The following FARP1 variants were observed in gnomAD, a reference collection of about 807,000 sequenced individuals.
FARP1 encodes FERM, ARH/RhoGEF and pleckstrin domain protein 1.
FARP1 carries 52 observed loss-of-function variants against 128.8 expected under a neutral mutation model. That is an observed-to-expected ratio of 0.40 (90% confidence interval 0.32 to 0.51). The LOEUF is 0.51. FARP1 is among the 20% of genes least tolerant of loss of function. FARP1 has a pLI of 0.45. For missense variants in FARP1, 1,333 were observed against 1,367.9 expected, an observed-to-expected ratio of 0.97 and a Z score of 0.40; for synonymous variants, 580 against 551.8, an observed-to-expected ratio of 1.05 and a Z score of -0.72.
At chr13:98,224,619 C>G (rs1881646255) in intron 2 of FARP1, among the ~76,000 whole-genome samples, 2 of 151,590 alleles carry the variant, frequency 1.3e-5, no homozygotes, top group South Asian at 2.1e-4. Context: ...TGAAACAGAG[C>G]TGAGTCCCTA....
rs1184455599 is a variant in FARP1, at chr13:98,385,927, C to T, written c.759+113C>T. The T allele has an allele frequency of 4.3e-6, 5 of 1,156,316 alleles. No homozygotes were observed. The African/African-American group carries it at 4.7e-5, about 11-fold the overall frequency. The allele number at this position is 1,156,316 out of a possible 1,614,324, so 71.6% of individuals were successfully genotyped here. ...AAGACCTCTGATGGTTATTTTTCGG[C>T]GAACAAAGAAAAATTAACCTCATCT... is the stretch of plus-strand genomic sequence containing the variant. On this transcript the variant is annotated intron_variant, in intron 8 of 26. Transcript: ENST00000319562.
At chr13:98,414,072 C>A (rs1293152813) in intron 16 of FARP1, among the ~76,000 whole-genome samples, 3 of 152,130 alleles carry the variant, frequency 2.0e-5, no homozygotes, top group Non-Finnish European at 4.4e-5. Flanking sequence ...CTGTCTAATA[C>A]GACTCATTTT....
chr13:98,185,848 C>T (rs577941992), intron 1 of FARP1, among the ~76,000 whole-genome samples: 2 of 152,072 alleles, frequency 1.3e-5, no homozygotes, highest in East Asian at 3.9e-4. Context: ...TAGGTGCGTG[C>T]CACCATGCCC....
chr13:98,412,578 C>T (rs1004870164), intron 16 of FARP1, among the ~76,000 whole-genome samples: 121 of 152,222 alleles, frequency 7.9e-4, no homozygotes, highest in African/African-American at 2.7e-3. Context: ...CAAAGACATC[C>T]AATGAATAAT....
At chr13:98,185,728 C>T (rs1274196660) in intron 1 of FARP1, among the ~76,000 whole-genome samples, 2 of 151,288 alleles carry the variant, frequency 1.3e-5, no homozygotes, top group East Asian at 3.9e-4. Flanking sequence ...GATGGAGTCT[C>T]TCTCTGTCGC....
intron 24 of FARP1, among the ~76,000 whole-genome samples, chr13:98,441,569 G>T (rs553205426): frequency 6.6e-6 from 1 of 152,204 alleles, no homozygotes; most frequent in African/African-American, 2.4e-5. Flanking sequence ...TTGCTCCGGG[G>T]TATGGTGCGG....
intron 13 of FARP1, chr13:98,406,698 T>C (rs1467593023): frequency 2.0e-5 from 3 of 152,346 alleles, no homozygotes; most frequent in African/African-American, 7.2e-5. Flanking sequence ...GACCCTGAAG[T>C]TCCCACTCGG....
chr13:98,280,553 CG>C (rs1395122274), intron 2 of FARP1, among the ~76,000 whole-genome samples: 1 of 152,236 alleles, frequency 6.6e-6, no homozygotes, highest in Non-Finnish European at 1.5e-5. Context: ...AGAGCCTGGC[CG>C]GACACCCGGT....
At chr13:98,178,459 A>G (rs9556891) in intron 1 of FARP1, among the ~76,000 whole-genome samples, 147,246 of 152,334 alleles carry the variant, frequency 0.97, 71,357 homozygotes, top group East Asian at 1. Context: ...GCCTCCTAAA[A>G]TGTTGGTATT....
intron 2 of FARP1, chr13:98,341,044 T>C (rs1399274859): frequency 6.9e-6 from 1 of 145,224 alleles, no homozygotes; most frequent in Non-Finnish European, 1.5e-5. Context: ...TGTCAGGCAT[T>C]TAAGATCTAG....
Position 98,409,521 on chromosome 13 carries a change from G to A in FARP1, c.1598G>A (p.Arg533Lys), listed in dbSNP as rs757969075. 112 of 1,608,714 alleles carry A rather than the reference G, an allele frequency of 7.0e-5. No individual in the cohort carries two copies. Among genetic ancestry groups the A allele is most frequent in the Non-Finnish European group, 9.3e-5 (109 of 1,176,942 alleles). The change falls in exon 14 of 27, where the codon AGG (arginine) becomes AAG (lysine). Residue 533 changes from arginine to lysine, a missense_variant. Physicochemically the swap from Arg to Lys is conservative, Grantham distance 26 (BLOSUM62 2). Transcript: ENST00000319562. ...ACGGACGATGAGGATGAGGGCCGGAGGAAGGTACAGGGCCGAGGGCTCAAG... is the reference window on the plus strand; with the variant it reads ...ACGGACGATGAGGATGAGGGCCGGAAGAAGGTACAGGGCCGAGGGCTCAAG... ...PRTDDEDEGRRKRFPTDKAYF... is the reference protein window; with the variant it reads ...PRTDDEDEGRKKRFPTDKAYF...
chr13:98,194,426 T>A (rs1392747611), intron 1 of FARP1, among the ~76,000 whole-genome samples: 1 of 152,266 alleles, frequency 6.6e-6, no homozygotes, highest in Admixed American at 6.5e-5. Context: ...TCCTATTTTT[T>A]AAAATTTCTT....
chr13:98,202,605 A>G (rs1346211106), intron 1 of FARP1, among the ~76,000 whole-genome samples: 1 of 150,174 alleles, frequency 6.7e-6, no homozygotes, highest in Non-Finnish European at 1.5e-5. Flanking sequence ...ATTTCATCTC[A>G]CTCGATTTAT....
chr13:98,143,665 C>T (rs923886671), intron 1 of FARP1, among the ~76,000 whole-genome samples, 173 bp downstream of exon 1: 206 of 150,106 alleles, frequency 1.4e-3, no homozygotes, highest in African/African-American at 4.9e-3. Flanking sequence ...GGCGGCGGGT[C>T]GGGCCCGGGC....
intron 8 of FARP1, among the ~76,000 whole-genome samples, chr13:98,386,855 C>T (rs1890116810): frequency 6.6e-6 from 1 of 152,270 alleles, no homozygotes; most frequent in East Asian, 1.9e-4. Flanking sequence ...AAGTTTATGA[C>T]AGCATAATTA....
Position 98,386,892 on chromosome 13 carries a change from A to G in FARP1, c.759+1078A>G, listed in dbSNP as rs574816113. The stretch of plus-strand genomic sequence containing the variant: ...TACAAATCACATCCCAAGAAGAGTT[A>G]AGTTGGCTTCCTGCCAGGTAGTAGG... On this transcript the variant is annotated intron_variant, in intron 8 of 26. Coordinates refer to ENST00000319562, the MANE Select transcript of FARP1 (RefSeq NM_005766.4). Among the ~76,000 whole-genome samples, 9 of 152,344 alleles carry G rather than the reference A, an allele frequency of 5.9e-5. No individual in the cohort carries two copies. The South Asian group carries it at 1.4e-3, about 25-fold the overall frequency.
At chr13:98,303,965 G>A (rs1056352456) in intron 2 of FARP1, among the ~76,000 whole-genome samples, 4 of 152,178 alleles carry the variant, frequency 2.6e-5, no homozygotes, top group Admixed American at 2.0e-4. Flanking sequence ...TTACTTGACC[G>A]AAGTGGTGGT....
At position 98,151,648 on chromosome 13, in the gene FARP1, T is replaced by C. The variant is rs148747770; in HGVS notation, c.-24+8156T>C. On this transcript the variant is annotated intron_variant, in intron 1 of 26. Coordinates refer to ENST00000319562, the MANE Select transcript of FARP1 (RefSeq NM_005766.4). ...TTGAAGCGAGACAAACCTGCCCTTA[T>C]ATATCTTCCATCTTTTTTTTTTTTT... Among the ~76,000 whole-genome samples the C allele has an allele frequency of 2.7e-3, 387 of 143,324 alleles. 2 individuals carry two copies. Among genetic ancestry groups the C allele is most frequent in the African/African-American group, 9.4e-3 (373 of 39,644 alleles). The allele number at this position is 143,324 out of a possible 152,430, so 94.0% of individuals were successfully genotyped here.
At chr13:98,420,903 G>A (rs1891569057) in intron 16 of FARP1, among the ~76,000 whole-genome samples, 1 of 152,236 alleles carries the variant, frequency 6.6e-6, no homozygotes, top group South Asian at 2.1e-4. Context: ...CCATGAGGAT[G>A]TTTCTAGATG....
Sources: gnomAD v4.1 joint callset for allele counts (sites outside exome capture counted in the v4.1 genomes callset) on GRCh38, gnomAD v4.1.1 for gene constraint, MANE v1.5 for transcripts, NCBI Gene and HGNC (gene_info 2026-07-23, HGNC 2026-07-21) for gene names.